Variants in GRM5 observed in about 807,000 individuals in gnomAD.
GRM5 encodes metabotropic glutamate receptor 5.
Under a neutral mutation model 83.1 loss-of-function variants are expected in GRM5, and 19 were observed. The observed-to-expected ratio is 0.23, with a 90% confidence interval of 0.16 to 0.34. The LOEUF is 0.34. GRM5 is among the 10% of genes least tolerant of loss of function. The pLI, the probability that GRM5 is intolerant of heterozygous loss-of-function variation, is 1.00. For missense variants in GRM5, 1,160 were observed against 1,588.3 expected (o/e 0.73, Z 4.58); for synonymous variants, 675 against 633.6 (o/e 1.07, Z -0.98).
chr11:88,917,342 T>C (rs1945612582), intron 2 of GRM5, among the ~76,000 whole-genome samples: 1 of 152,160 alleles, frequency 6.6e-6, no homozygotes, highest in Non-Finnish European at 1.5e-5. Context: ...CAATTCCCTT[T>C]AAATACCTGG....
chr11:88,807,749 A>C (rs1289613086), intron 3 of GRM5, among the ~76,000 whole-genome samples: 1 of 152,038 alleles, frequency 6.6e-6, no homozygotes, highest in Non-Finnish European at 1.5e-5. Context: ...TTCTTCATAT[A>C]AACTACTTTT....
At chr11:88,753,532 G>C (rs990665484) in intron 3 of GRM5, among the ~76,000 whole-genome samples, 1 of 152,090 alleles carries the variant, frequency 6.6e-6, no homozygotes, top group Non-Finnish European at 1.5e-5. Context: ...TAAAGACCTA[G>C]AGGCAGAAAT....
intron 3 of GRM5, among the ~76,000 whole-genome samples, chr11:88,833,069 TA>T (rs1199658527): frequency 6.6e-6 from 1 of 152,014 alleles, no homozygotes; most frequent in East Asian, 1.9e-4. Flanking sequence ...ATTTTATAGC[TA>T]AGACCTAAAA....
At chr11:88,563,447 T>C (rs1380260866) in intron 8 of GRM5, among the ~76,000 whole-genome samples, 4 of 152,286 alleles carry the variant, frequency 2.6e-5, no homozygotes, top group Middle Eastern at 3.4e-3. Flanking sequence ...CTCTTTAAGA[T>C]AGAGAGCCCT....
intron 9 of GRM5, among the ~76,000 whole-genome samples, chr11:88,513,087 A>G (rs1458140205): frequency 6.6e-6 from 1 of 151,964 alleles, no homozygotes; most frequent in Non-Finnish European, 1.5e-5. Flanking sequence ...GCTTAACTGT[A>G]TCCTCTTTTT....
chr11:88,539,970 AGTT>A (rs1320176465), intron 8 of GRM5, among the ~76,000 whole-genome samples: 2 of 152,184 alleles, frequency 1.3e-5, no homozygotes, highest in African/African-American at 4.8e-5. Flanking sequence ...TACACCGTAA[AGTT>A]TATGGCTACC....
intron 2 of GRM5, among the ~76,000 whole-genome samples, chr11:88,872,902 A>C (rs912552293): frequency 1.5e-4 from 23 of 150,366 alleles, no homozygotes; most frequent in African/African-American, 5.6e-4. Context: ...TCTTCAATCA[A>C]AATAAAACAG....
At chr11:88,752,885 C>A (rs1942310142) in intron 3 of GRM5, among the ~76,000 whole-genome samples, 1 of 152,056 alleles carries the variant, frequency 6.6e-6, no homozygotes, top group Non-Finnish European at 1.5e-5. Flanking sequence ...AAATGGTGCT[C>A]AAAGAACAGG....
At chr11:89,015,784 A>G (rs1940837360) in intron 2 of GRM5, among the ~76,000 whole-genome samples, 1 of 152,186 alleles carries the variant, frequency 6.6e-6, no homozygotes, top group Non-Finnish European at 1.5e-5. Flanking sequence ...ATCTCATTAT[A>G]CCTTTGAGTG....
chr11:88,525,212 GCA>G, intron 9 of GRM5, 95 bp downstream of exon 9: 1 of 753,388 alleles, frequency 1.3e-6, no homozygotes, highest in Admixed American at 2.0e-5. Context: ...TGTATGAGTT[GCA>G]CAGTTGAGTG....
At chr11:88,534,015 G>A (rs536510539) in intron 8 of GRM5, among the ~76,000 whole-genome samples, 1 of 152,250 alleles carries the variant, frequency 6.6e-6, no homozygotes, top group South Asian at 2.1e-4. Flanking sequence ...TGAGCCTGTG[G>A]GTACTCAGAA....
intron 3 of GRM5, among the ~76,000 whole-genome samples, chr11:88,730,692 A>G (rs1337502199): frequency 6.6e-6 from 1 of 152,228 alleles, no homozygotes; most frequent in Non-Finnish European, 1.5e-5. Flanking sequence ...AAGCCATAAA[A>G]AAAGGATGAG....
At chr11:88,961,761 G>A (rs1352619207) in intron 2 of GRM5, among the ~76,000 whole-genome samples, 5 of 151,782 alleles carry the variant, frequency 3.3e-5, no homozygotes, top group Non-Finnish European at 5.9e-5. Context: ...CATTTTAATG[G>A]TGATAATCCT....
intron 2 of GRM5, among the ~76,000 whole-genome samples, chr11:88,858,597 T>G (rs72952957): frequency 0.21 from 31,910 of 151,952 alleles, 4,254 homozygotes; most frequent in Non-Finnish European, 0.3. Context: ...CAGTTTTAAC[T>G]GCCATACATG....
chr11:88,552,542 C>T (rs1194142733), intron 8 of GRM5, among the ~76,000 whole-genome samples: 1 of 152,130 alleles, frequency 6.6e-6, no homozygotes, highest in Non-Finnish European at 1.5e-5. Flanking sequence ...ATTATTGCTA[C>T]ACAAGCTGAG....
At chr11:88,903,062 G>A (rs1411430738) in intron 2 of GRM5, among the ~76,000 whole-genome samples, 2 of 151,672 alleles carry the variant, frequency 1.3e-5, no homozygotes, top group South Asian at 2.1e-4. Flanking sequence ...GGTAGCCAGA[G>A]ATAGACTCCT....
chr11:88,885,724 G>C (rs1278238529), intron 2 of GRM5, among the ~76,000 whole-genome samples: 3 of 152,024 alleles, frequency 2.0e-5, no homozygotes, highest in African/African-American at 7.2e-5. Flanking sequence ...AAATCACTTA[G>C]GGAGATAGCA....
intron 3 of GRM5, among the ~76,000 whole-genome samples, chr11:88,682,240 T>C (rs1187768076): frequency 6.6e-6 from 1 of 152,162 alleles, no homozygotes; most frequent in East Asian, 1.9e-4. Flanking sequence ...TCATCTACTC[T>C]CTATGTATCA....
intron 8 of GRM5, among the ~76,000 whole-genome samples, chr11:88,530,454 GTTC>G (rs1565326516): frequency 1.3e-5 from 2 of 151,980 alleles, no homozygotes; most frequent in South Asian, 4.2e-4. Flanking sequence ...TGTTGTTGTT[GTTC>G]TTCTTCTTGT....
Sources: gnomAD v4.1 joint callset for allele counts (sites outside exome capture counted in the v4.1 genomes callset) on GRCh38, gnomAD v4.1.1 for gene constraint, MANE v1.5 for transcripts, NCBI Gene and HGNC (gene_info 2026-07-23, HGNC 2026-07-21) for gene names.